REDIC1: variants seen among roughly 807,000 people sequenced by gnomAD.
The protein encoded by REDIC1 is regulator of DNA class I crossover intermediates 1.
chr12:39,713,175 G>C, the REDIC1 span, among the ~76,000 whole-genome samples: 1 of 149,268 alleles, frequency 6.7e-6, no homozygotes, highest in African/African-American at 2.5e-5. Context: ...GTATATATGT[G>C]CATATACCCA....
the REDIC1 span, among the ~76,000 whole-genome samples, chr12:39,870,984 T>C: frequency 0.13 from 20,349 of 152,206 alleles, 1,454 homozygotes; most frequent in South Asian, 0.17. Flanking sequence ...CTGGAAACTA[T>C]CTTTTAATGG....
At chr12:39,672,355 G>C in the REDIC1 span, among the ~76,000 whole-genome samples, 280 of 152,168 alleles carry the variant, frequency 1.8e-3, 2 homozygotes, top group Non-Finnish European at 3.0e-3. Context: ...GGCAGCAGAG[G>C]CAGTGGGTGG....
chr12:39,710,592 A>C, the REDIC1 span, among the ~76,000 whole-genome samples: 9 of 151,806 alleles, frequency 5.9e-5, no homozygotes, highest in African/African-American at 2.2e-4. Context: ...CCCATATGTT[A>C]GTTTTTCATA....
the REDIC1 span, among the ~76,000 whole-genome samples, chr12:39,656,533 T>C: frequency 6.6e-6 from 1 of 152,234 alleles, no homozygotes; most frequent in African/African-American, 2.4e-5. Flanking sequence ...TATGTATTTA[T>C]TATACTATTT....
chr12:39,708,824 TA>T, the REDIC1 span, among the ~76,000 whole-genome samples: 1 of 151,884 alleles, frequency 6.6e-6, no homozygotes, highest in Non-Finnish European at 1.5e-5. Context: ...TTGCACTTTT[TA>T]AAAAGTTTTT....
the REDIC1 span, chr12:39,755,360 A>G: frequency 1.3e-5 from 2 of 152,076 alleles, no homozygotes; most frequent in African/African-American, 4.8e-5. Flanking sequence ...TAAAATATAC[A>G]GTTTGAAATA....
At chr12:39,844,713 A>G in the REDIC1 span, among the ~76,000 whole-genome samples, 1 of 152,084 alleles carries the variant, frequency 6.6e-6, no homozygotes, top group Non-Finnish European at 1.5e-5. Flanking sequence ...GAAAGAAGCA[A>G]GTGGGGTCTC....
chr12:39,773,239 G>A, the REDIC1 span, among the ~76,000 whole-genome samples: 1 of 152,138 alleles, frequency 6.6e-6, no homozygotes, highest in African/African-American at 2.4e-5. Flanking sequence ...TGCTCAGAGG[G>A]CACTGCAGTG....
At chr12:39,739,832 C>A in the REDIC1 span, among the ~76,000 whole-genome samples, 1 of 152,122 alleles carries the variant, frequency 6.6e-6, no homozygotes, top group African/African-American at 2.4e-5. Context: ...GGCATTGTGA[C>A]TTGATTTTGC....
chr12:39,684,850 G>T, the REDIC1 span: 2 of 1,589,170 alleles, frequency 1.3e-6, no homozygotes, highest in Non-Finnish European at 1.7e-6. Flanking sequence ...TTGATACTGT[G>T]TATTTATAAT....
At chr12:39,729,555 TG>T in the REDIC1 span, among the ~76,000 whole-genome samples, 1 of 152,230 alleles carries the variant, frequency 6.6e-6, no homozygotes, top group African/African-American at 2.4e-5. Flanking sequence ...CTTTTGCATT[TG>T]CTGAGGAGTG....
chr12:39,711,205 T>C, the REDIC1 span, among the ~76,000 whole-genome samples: 3 of 151,110 alleles, frequency 2.0e-5, no homozygotes, highest in African/African-American at 4.9e-5. Flanking sequence ...TCCTTCCTTT[T>C]TATGGCTGCG....
At chr12:39,876,620 A>G in the REDIC1 span, among the ~76,000 whole-genome samples, 1 of 152,152 alleles carries the variant, frequency 6.6e-6, no homozygotes, top group Non-Finnish European at 1.5e-5. Context: ...TTATATGAAA[A>G]CCTTAGTGAC....
At chr12:39,875,994 G>C in the REDIC1 span, among the ~76,000 whole-genome samples, 1 of 152,120 alleles carries the variant, frequency 6.6e-6, no homozygotes, top group Non-Finnish European at 1.5e-5. Context: ...ACTGAAAAAG[G>C]CTTTCTTTCC....
the REDIC1 span, chr12:39,764,734 T>C: frequency 5.6e-6 from 9 of 1,611,800 alleles, no homozygotes; most frequent in Non-Finnish European, 7.6e-6. Context: ...AGTCTTTGTT[T>C]ACCAGGTGCA....
the REDIC1 span, chr12:39,682,801 T>C: frequency 1.9e-6 from 3 of 1,612,688 alleles, no homozygotes; most frequent in Admixed American, 3.3e-5. Flanking sequence ...TAACCTTCTA[T>C]CAGAGAATTG....
chr12:39,630,281 C>T, the REDIC1 span, among the ~76,000 whole-genome samples: 410 of 152,206 alleles, frequency 2.7e-3, 1 homozygote, highest in South Asian at 0.025. Flanking sequence ...AGAATCAGAT[C>T]GGCTATAGAT....
the REDIC1 span, among the ~76,000 whole-genome samples, chr12:39,788,122 G>A: frequency 6.6e-6 from 1 of 151,998 alleles, no homozygotes; most frequent in Admixed American, 6.6e-5. Flanking sequence ...ATGTACTGTT[G>A]TTCACCTTTA....
At chr12:39,891,086 A>C in the REDIC1 span, among the ~76,000 whole-genome samples, 1 of 151,068 alleles carries the variant, frequency 6.6e-6, no homozygotes, top group Non-Finnish European at 1.5e-5. Flanking sequence ...TGGACACCTA[A>C]ATCACTAAGA....
Sources: allele counts gnomAD v4.1 joint callset (sites outside exome capture counted in the v4.1 genomes callset), GRCh38; gene constraint gnomAD v4.1.1; transcripts MANE v1.5; gene names NCBI Gene and HGNC (gene_info 2026-07-23, HGNC 2026-07-21).